The following NT5C2 variants were observed in gnomAD, a reference collection of about 807,000 sequenced individuals.
NT5C2 encodes the protein cytosolic purine 5'-nucleotidase.
In NT5C2, 58 loss-of-function variants were observed where a neutral mutation model predicts 76.1. That is an observed-to-expected ratio of 0.76 (90% confidence interval 0.62 to 0.95). The LOEUF is 0.95. Ranked by LOEUF, NT5C2 falls within the 40% of genes least tolerant of loss-of-function variation. NT5C2 has a pLI of 0.00. For missense variants in NT5C2, 478 were observed against 690.3 expected, an observed-to-expected ratio of 0.69 and a Z score of 3.45; for synonymous variants, 229 against 237.4, an observed-to-expected ratio of 0.96 and a Z score of 0.32.
chr10:103,096,775 G>A (rs923321681), intron 11 of NT5C2, among the ~76,000 whole-genome samples: 4 of 148,296 alleles, frequency 2.7e-5, no homozygotes, highest in African/African-American at 7.4e-5. Flanking sequence ...GAACCCAGGC[G>A]GCAGAGGTTG....
At position 103,174,074 on chromosome 10, in the gene NT5C2, C is replaced by T. The variant is rs550636068; in HGVS notation, c.101+784G>A. ...TCATGCCACTGCATTCCAGCCTAGG[C>T]GACAGAGCCAGACTCCGTCTCAAAA... is the stretch of plus-strand genomic sequence containing the variant. On this transcript the variant is annotated intron_variant, in intron 3 of 18. Transcript: ENST00000404739. Among the ~76,000 whole-genome samples, 19 of 143,904 alleles carry T rather than the reference C, an allele frequency of 1.3e-4. No homozygotes were observed. In the East Asian group the frequency reaches 1.4e-3, roughly 11 times the overall value. The allele number at this position is 143,904 out of a possible 152,430, so 94.4% of individuals were successfully genotyped here.
intron 4 of NT5C2, among the ~76,000 whole-genome samples, chr10:103,126,091 C>G (rs1044409216): frequency 6.6e-6 from 1 of 151,992 alleles, no homozygotes; most frequent in Non-Finnish European, 1.5e-5. Flanking sequence ...AATGAAAAAC[C>G]TGGGGTATAG....
At chr10:103,150,760 T>C (rs1261519005) in intron 3 of NT5C2, among the ~76,000 whole-genome samples, 2 of 152,242 alleles carry the variant, frequency 1.3e-5, no homozygotes, top group African/African-American at 2.4e-5. Context: ...AAATCCAATT[T>C]TGTGAAGCAT....
intron 11 of NT5C2, among the ~76,000 whole-genome samples, chr10:103,096,717 G>T (rs982663687): frequency 6.6e-6 from 1 of 151,600 alleles, no homozygotes; most frequent in Non-Finnish European, 1.5e-5. Context: ...GCAGTGGCAG[G>T]TGCCTGTAAT....
In NT5C2 at chr10:103,174,936, C is replaced by T. The variant is rs749601574; in HGVS notation, c.23G>A (p.Arg8Gln). Reference protein sequence around the residue: MSTSWSDRLQNAADMPAN... With the variant: MSTSWSDQLQNAADMPAN... ...AGGCATATCTGCTGCATTCTGTAAC[C>T]GATCACTCCAGGAGGTTGACATTTT... Residue 8 changes from arginine (R) to glutamine (Q), a missense_variant, in exon 3 of 19, where the codon CGG becomes CAG. Coordinates refer to ENST00000404739, the MANE Select transcript of NT5C2 (RefSeq NM_001351169.2). 5.0e-6 allele frequency: 8 copies of T among 1,611,364 alleles called. No individual in the cohort carries two copies. The highest frequency in any genetic ancestry group is 3.3e-5 in the South Asian group (3 of 91,044).
chr10:103,133,704 G>A (rs1229517292), intron 4 of NT5C2, among the ~76,000 whole-genome samples: 1 of 152,182 alleles, frequency 6.6e-6, no homozygotes, highest in Non-Finnish European at 1.5e-5. Flanking sequence ...CTTTGGAACT[G>A]GGTAACAGAC....
Position 103,089,594 on chromosome 10 carries a change from C to A in NT5C2, c.*78G>T. On this transcript the variant is annotated 3_prime_UTR_variant, in exon 19 of 19. Coordinates refer to ENST00000404739, the MANE Select transcript of NT5C2 (RefSeq NM_001351169.2). ...GCCCCCTCCCTCCCCCGAGTAGAACCCTAACAGGGACCTCGTTTGTTCCTG... is the reference window on the plus strand; with the variant it reads ...GCCCCCTCCCTCCCCCGAGTAGAACACTAACAGGGACCTCGTTTGTTCCTG... 6.8e-7 allele frequency: 1 copy of A among 1,472,816 alleles called. No homozygotes were observed. The highest frequency in any genetic ancestry group is 1.4e-5 in the South Asian group (1 of 69,308). 91.2% of individuals were successfully genotyped at this position (1,472,816 alleles called of 1,614,324 possible).
intron 1 of NT5C2, among the ~76,000 whole-genome samples, chr10:103,187,552 A>T (rs941387545): frequency 5.0e-5 from 6 of 120,478 alleles, no homozygotes; most frequent in African/African-American, 1.6e-4. Flanking sequence ...AATCCATCTT[A>T]AAAAAAAAAA....
intron 1 of NT5C2, among the ~76,000 whole-genome samples, chr10:103,185,649 C>CAAA (rs78374465): frequency 7.0e-5 from 5 of 71,160 alleles, no homozygotes; most frequent in South Asian, 4.7e-4. Context: ...ACCCTGTCTC[C>CAAA]AAAAAAAAAA....
At chr10:103,192,267 T>C (rs1054496196) in intron 1 of NT5C2, among the ~76,000 whole-genome samples, 10 of 152,174 alleles carry the variant, frequency 6.6e-5, no homozygotes, top group African/African-American at 2.2e-4. Context: ...CATCGGCCCC[T>C]GGACGGGCGC....
Position 103,137,377 on chromosome 10 carries a change from CAA to C in NT5C2, c.175+2027_175+2028del, listed in dbSNP as rs563033813. Reference sequence around the variant, plus strand: ...AGGCAATAGAAAAACAAATAAATGACAAAGAGTATGGAGGGAAGAGAAAAATT... The same window carrying C: ...AGGCAATAGAAAAACAAATAAATGACAGAGTATGGAGGGAAGAGAAAAATT... On this transcript the variant is annotated intron_variant, in intron 4 of 18. Coordinates refer to ENST00000404739, the MANE Select transcript of NT5C2 (RefSeq NM_001351169.2). Among the ~76,000 whole-genome samples, 684 of 152,186 alleles carry C rather than the reference CAA, an allele frequency of 4.5e-3. 5 individuals carry two copies. Among genetic ancestry groups the C allele is most frequent in the Admixed American group, 0.02 (308 of 15,274 alleles).
intron 3 of NT5C2, among the ~76,000 whole-genome samples, chr10:103,165,018 T>C (rs928932199): frequency 6.6e-6 from 1 of 152,232 alleles, no homozygotes; most frequent in African/African-American, 2.4e-5. Context: ...ACTGCACATT[T>C]TTAAGAGCAT....
chr10:103,106,118 C>A (rs2071196883), intron 5 of NT5C2, among the ~76,000 whole-genome samples: 1 of 152,166 alleles, frequency 6.6e-6, no homozygotes, highest in African/African-American at 2.4e-5. Flanking sequence ...TCTTGGACAA[C>A]TGAGAAGGCT....
Position 103,114,372 on chromosome 10 carries a change from G to A in NT5C2, c.176-7666C>T, listed in dbSNP as rs550295652. Among the ~76,000 whole-genome samples the A allele has an allele frequency of 3.0e-4, 46 of 152,164 alleles. 1 individual carries two copies. Among genetic ancestry groups the A allele is most frequent in the Admixed American group, 2.6e-3 (40 of 15,284 alleles). On this transcript the variant is annotated intron_variant, in intron 4 of 18. Transcript: ENST00000404739. ...TGCAGTGAGCTGAGATCACGCCACT[G>A]CACTCCAGCCTGGGTGACAGAGCGA...
Position 103,101,106 on chromosome 10 carries a change from A to C in NT5C2, c.482-4T>G. ...AGGCAGGCCAACAGGTAGGTCTCTG[A>C]AAAATGAAGAACAGATATTCATAAG... On this transcript the variant is annotated splice_polypyrimidine_tract_variant and splice_region_variant and intron_variant, in intron 7 of 18. Coordinates refer to ENST00000404739, the MANE Select transcript of NT5C2 (RefSeq NM_001351169.2). The C allele has an allele frequency of 6.3e-7, 1 of 1,590,876 alleles. No homozygotes were observed. Among genetic ancestry groups the C allele is most frequent in the South Asian group, 1.1e-5 (1 of 90,540 alleles).
chr10:103,098,474 CT>C (rs1421432436), intron 10 of NT5C2: 1 of 186,420 alleles, frequency 5.4e-6, no homozygotes, highest in Non-Finnish European at 1.1e-5. Context: ...AGCTTTACTA[CT>C]TACTAACTGT....
At chr10:103,165,924 C>A (rs2086258374) in intron 3 of NT5C2, among the ~76,000 whole-genome samples, 2 of 152,238 alleles carry the variant, frequency 1.3e-5, no homozygotes, top group African/African-American at 2.4e-5. Context: ...CCTGGCTTGG[C>A]CTCCCAAAGT....
intron 3 of NT5C2, among the ~76,000 whole-genome samples, chr10:103,169,659 T>TACCAAGA (rs2087346754): frequency 6.6e-6 from 1 of 152,008 alleles, no homozygotes; most frequent in Non-Finnish European, 1.5e-5. Flanking sequence ...TCTTGCAAGA[T>TACCAAGA]ACCAAGAACC....
chr10:103,146,384 T>C (rs1023561432), intron 3 of NT5C2: 1 of 985,394 alleles, frequency 1.0e-6, no homozygotes, highest in Non-Finnish European at 1.2e-6. Flanking sequence ...CAACAACAAA[T>C]GAGACTAAGG....
Sources: gnomAD v4.1 joint callset for allele counts (sites outside exome capture counted in the v4.1 genomes callset) on GRCh38, gnomAD v4.1.1 for gene constraint, MANE v1.5 for transcripts, NCBI Gene and HGNC (gene_info 2026-07-23, HGNC 2026-07-21) for gene names.